ZNF366: variants seen among roughly 807,000 people sequenced by gnomAD.
ZNF366 encodes the protein dendritic cell-specific transcript protein.
A neutral mutation model predicts 47.2 loss-of-function variants in ZNF366; 20 were observed. The ratio of observed to expected loss-of-function variants is 0.42; its 90% CI spans 0.30 to 0.62. The LOEUF is 0.62. Among genes scored for constraint, ZNF366 ranks in the 20% least tolerant of loss-of-function variants. ZNF366 has a pLI of 0.16. For missense variants in ZNF366, 987 were observed against 976.3 expected (o/e 1.01, Z -0.15); for synonymous variants, 421 against 395.1 (o/e 1.07, Z -0.78).
At chr5:72,504,954 A>C (rs1744291951) in intron 1 of ZNF366, among the ~76,000 whole-genome samples, 1 of 152,238 alleles carries the variant, frequency 6.6e-6, no homozygotes, top group African/African-American at 2.4e-5. Context: ...GCTGAAATTC[A>C]AACCAAAAGT....
At position 72,447,426 on chromosome 5, in the gene ZNF366, G is replaced by A. The variant is rs1245653798; in HGVS notation, c.1525-9C>T. The A allele has an allele frequency of 6.2e-7, 1 of 1,613,962 alleles. No individual in the cohort carries two copies. The highest frequency in any genetic ancestry group is 8.5e-7 in the Non-Finnish European group (1 of 1,179,964). On this transcript the variant is annotated splice_polypyrimidine_tract_variant and intron_variant, in intron 3 of 4. Transcript: ENST00000318442. ...AATTCCTTCCCACAAAGCTGTTGAA[G>A]ATGGGGATGAGAACACAGGTTACTC...
At chr5:72,486,237 T>C (rs1332856582) in intron 1 of ZNF366, among the ~76,000 whole-genome samples, 1 of 152,236 alleles carries the variant, frequency 6.6e-6, no homozygotes, top group African/African-American at 2.4e-5. Flanking sequence ...GACTAAAGCT[T>C]AGCCTATGCA....
chr5:72,480,013 A>G (rs1743760539), intron 1 of ZNF366, among the ~76,000 whole-genome samples: 1 of 152,256 alleles, frequency 6.6e-6, no homozygotes, highest in Non-Finnish European at 1.5e-5. Flanking sequence ...TTTTGCAGCA[A>G]TGGCTGGAAT....
In ZNF366 at chr5:72,461,030, T is replaced by C. The variant is rs1192311667; in HGVS notation, c.467A>G (p.Lys156Arg). Residue 156 changes from lysine to arginine, a missense_variant, in exon 2 of 5, where the codon AAG (lysine) becomes AGG (arginine). Physicochemically the swap from Lys to Arg is conservative, Grantham distance 26 (BLOSUM62 2). Coordinates refer to ENST00000318442, the MANE Select transcript of ZNF366 (RefSeq NM_152625.3). Reference protein sequence around the residue: ...GGKPVKQEPIKPSAVWPQPTP... With the variant: ...GGKPVKQEPIRPSAVWPQPTP... The stretch of plus-strand genomic sequence containing the variant: ...TGGCTGGGGCCACACGGCGCTGGGC[T>C]TAATGGGTTCCTGCTTGACGGGCTT... The C allele has an allele frequency of 2.5e-6, 4 of 1,614,102 alleles. No homozygotes were observed. Among genetic ancestry groups the C allele is most frequent in the Non-Finnish European group, 3.4e-6 (4 of 1,180,018 alleles).
At position 72,456,428 on chromosome 5, in the gene ZNF366, A is replaced by T. The variant is rs750634495; in HGVS notation, c.1500T>A (p.Ser500=). ...QTLKAHMIVH[S]DVKPFKCKLC... is the part of the protein sequence containing the mutation. ...CCTTGCATTTGAAAGGCTTCACGTC[A>T]GAGTGGACGATCATGTGTGCCTTGA... is the stretch of plus-strand genomic sequence containing the variant. The change falls in exon 3 of 5, where the codon TCT becomes TCA. Residue 500 remains serine, a synonymous_variant. Coordinates refer to ENST00000318442, the MANE Select transcript of ZNF366 (RefSeq NM_152625.3). 1.2e-6 allele frequency: 2 copies of T among 1,610,728 alleles called. No individual in the cohort carries two copies. Among genetic ancestry groups the T allele is most frequent in the Non-Finnish European group, 8.5e-7 (1 of 1,177,268 alleles).
intron 4 of ZNF366, among the ~76,000 whole-genome samples, chr5:72,444,506 G>T (rs1180608274): frequency 6.6e-6 from 1 of 152,160 alleles, no homozygotes; most frequent in East Asian, 1.9e-4. Context: ...TGCACCAAAA[G>T]CTTTAAAAAT....
chr5:72,478,018 T>A (rs1743710492), intron 1 of ZNF366, among the ~76,000 whole-genome samples: 1 of 152,218 alleles, frequency 6.6e-6, no homozygotes, highest in Admixed American at 6.5e-5. Flanking sequence ...AGGGTTTGTT[T>A]TTTTTTAATG....
chr5:72,476,874 AGAGG>A lies in ZNF366; in HGVS notation c.-14-15368_-14-15365del, dbSNP rs147501191. Among the ~76,000 whole-genome samples, 269 of 152,246 alleles carry A rather than the reference AGAGG, an allele frequency of 1.8e-3. 3 individuals carry two copies. The East Asian group carries it at 0.023, about 13-fold the overall frequency. ...AACCCACAAAGCTTAACAATGAGGA[AGAGG>A]GCAGGATGCTTTCTCTCTGCATGAC... On this transcript the variant is annotated intron_variant, in intron 1 of 4. Transcript: ENST00000318442.
intron 1 of ZNF366, among the ~76,000 whole-genome samples, chr5:72,487,904 G>A (rs1743923028): frequency 6.6e-6 from 1 of 152,104 alleles, no homozygotes; most frequent in South Asian, 2.1e-4. Context: ...GAAAGTCTGA[G>A]AAGAACTGAC....
rs1201369965 is a variant in ZNF366 at position 72,441,082 on chromosome 5, C to T, written c.*2674G>A. 1 of 152,118 alleles carries T rather than the reference C, an allele frequency of 6.6e-6. No individual in the cohort carries two copies. Among genetic ancestry groups the T allele is most frequent in the East Asian group, 1.9e-4 (1 of 5,198 alleles). The allele number at this position is 152,118 out of a possible 1,614,324, so 9.4% of individuals were successfully genotyped here. ...CCACTCTTCAGAGGCCTAAAGATGA[C>T]CTCTGGCTTCTCAAAACACAATCTG... is the stretch of plus-strand genomic sequence containing the variant. On this transcript the variant is annotated 3_prime_UTR_variant, in exon 5 of 5. Transcript: ENST00000318442.
intron 3 of ZNF366, among the ~76,000 whole-genome samples, chr5:72,455,678 A>G (rs1057407479): frequency 3.3e-5 from 5 of 152,338 alleles, no homozygotes; most frequent in Admixed American, 2.0e-4. Flanking sequence ...ACAAATCTCC[A>G]GCTCACACGT....
At chr5:72,447,108 A>C in intron 4 of ZNF366, 135 bp downstream of exon 4, 1 of 969,804 alleles carries the variant, frequency 1.0e-6, no homozygotes, top group Non-Finnish European at 1.5e-6. Context: ...TTCTAGTAAC[A>C]TTATAAGGTT....
chr5:72,447,981 C>T (rs1742992048), intron 3 of ZNF366, among the ~76,000 whole-genome samples: 1 of 152,204 alleles, frequency 6.6e-6, no homozygotes, highest in South Asian at 2.1e-4. Context: ...CCAGAGAACA[C>T]ATGGTCAACC....
intron 1 of ZNF366, among the ~76,000 whole-genome samples, chr5:72,481,592 T>C (rs1483220938): frequency 1.3e-5 from 2 of 152,202 alleles, no homozygotes; most frequent in Non-Finnish European, 2.9e-5. Flanking sequence ...TTAATACATA[T>C]TGCTAAATTG....
At chr5:72,462,553 T>TC (rs1476213047) in intron 1 of ZNF366, among the ~76,000 whole-genome samples, 21 of 146,382 alleles carry the variant, frequency 1.4e-4, no homozygotes, top group East Asian at 1.0e-3. Context: ...CTTTCTTTTT[T>TC]TTTTTTTTTG....
chr5:72,445,766 A>T (rs935601444), intron 4 of ZNF366, among the ~76,000 whole-genome samples: 2 of 152,194 alleles, frequency 1.3e-5, no homozygotes, highest in African/African-American at 4.8e-5. Flanking sequence ...CTTCCGGAAA[A>T]ATCCAGGTCT....
At chr5:72,475,283 C>A (rs1395761798) in intron 1 of ZNF366, among the ~76,000 whole-genome samples, 1 of 152,158 alleles carries the variant, frequency 6.6e-6, no homozygotes, top group Non-Finnish European at 1.5e-5. Context: ...TACTGCCCAA[C>A]ACAAGGAAGG....
At chr5:72,504,575 A>T (rs1420887261) in intron 1 of ZNF366, among the ~76,000 whole-genome samples, 2 of 152,178 alleles carry the variant, frequency 1.3e-5, no homozygotes, top group East Asian at 3.9e-4. Context: ...ATTTTATAAG[A>T]ATTTAGAATT....
chr5:72,500,728 T>G (rs2112358067), intron 1 of ZNF366, among the ~76,000 whole-genome samples: 1 of 152,326 alleles, frequency 6.6e-6, no homozygotes, highest in Admixed American at 6.5e-5. Context: ...TGTGCAACAG[T>G]CCAAAACCAT....
Sources: allele counts gnomAD v4.1 joint callset (sites outside exome capture counted in the v4.1 genomes callset), GRCh38; gene constraint gnomAD v4.1.1; transcripts MANE v1.5; gene names NCBI Gene and HGNC (gene_info 2026-07-23, HGNC 2026-07-21).